The following GAPVD1 variants were observed in gnomAD, a reference collection of about 807,000 sequenced individuals.
The protein encoded by GAPVD1 is GTPase-activating protein and VPS9 domain-containing protein 1.
Under a neutral mutation model 155.5 loss-of-function variants are expected in GAPVD1, and 35 were observed. The observed-to-expected ratio is 0.23, with a 90% CI of 0.17 to 0.30. GAPVD1 has a LOEUF of 0.30. GAPVD1 is among the 10% of genes least tolerant of loss of function. The pLI, the probability that GAPVD1 is intolerant of heterozygous loss-of-function variation, is 1.00. For missense variants in GAPVD1, 1,429 were observed against 1,775.7 expected, an observed-to-expected ratio of 0.80 and a Z score of 3.51; for synonymous variants, 636 against 619.7, an observed-to-expected ratio of 1.03 and a Z score of -0.39.
At chr9:125,326,337 G>T in intron 11 of GAPVD1, 79 bp from the exon 12 acceptor site, 2 of 989,822 alleles carry the variant, frequency 2.0e-6, no homozygotes, top group Non-Finnish European at 3.1e-6. Flanking sequence ...GACCAACATG[G>T]AGATAAAATT....
intron 12 of GAPVD1, among the ~76,000 whole-genome samples, chr9:125,327,231 A>T (rs911382455): frequency 6.6e-6 from 1 of 151,996 alleles, no homozygotes; most frequent in Non-Finnish European, 1.5e-5. Flanking sequence ...GGTGCTATGT[A>T]TATACACTAA....
intron 5 of GAPVD1, among the ~76,000 whole-genome samples, chr9:125,303,268 C>T (rs1254733772): frequency 6.6e-6 from 1 of 151,868 alleles, no homozygotes; most frequent in Non-Finnish European, 1.5e-5. Context: ...ATCCGCCCAC[C>T]TCGGCTTCCC....
chr9:125,319,455 AGTGCAGTG>A (rs1843947846), intron 9 of GAPVD1, among the ~76,000 whole-genome samples: 1 of 150,890 alleles, frequency 6.6e-6, no homozygotes, highest in Non-Finnish European at 1.5e-5. Context: ...CCCAGGCTGG[AGTGCAGTG>A]GTGCAATCAC....
At chr9:125,304,156 T>G (rs1841419678) in intron 5 of GAPVD1, 1 of 152,176 alleles carries the variant, frequency 6.6e-6, no homozygotes, top group African/African-American at 2.4e-5. Context: ...ACTCCTGAGC[T>G]CAAGTGACCC....
rs895259389 is a variant in GAPVD1 at position 125,295,995 on chromosome 9, A to G, written c.-33+421A>G. 5.5e-4 allele frequency among the ~76,000 whole-genome samples: 84 copies of G among 152,244 alleles called. 1 individual carries two copies. Among genetic ancestry groups the G allele is most frequent in the Non-Finnish European group, 1.2e-4 (8 of 68,006 alleles). On this transcript the variant is annotated intron_variant, in intron 3 of 27. Coordinates refer to ENST00000297933, the MANE Select transcript of GAPVD1 (RefSeq NM_001282680.3). Reference sequence around the variant, plus strand: ...AGTTTGAGAATTTCTAAAGTATTTTACCCCATTTTTTAATTATGAAAAATT... The same window carrying G: ...AGTTTGAGAATTTCTAAAGTATTTTGCCCCATTTTTTAATTATGAAAAATT...
intron 2 of GAPVD1, among the ~76,000 whole-genome samples, chr9:125,279,038 C>A (rs1836283984): frequency 6.6e-6 from 1 of 151,410 alleles, no homozygotes; most frequent in Non-Finnish European, 1.5e-5. Context: ...ATGGTGAAAC[C>A]CCGTATCTAC....
At chr9:125,275,755 C>T (rs1390518079) in intron 2 of GAPVD1, among the ~76,000 whole-genome samples, 1 of 151,640 alleles carries the variant, frequency 6.6e-6, no homozygotes, top group South Asian at 2.1e-4. Flanking sequence ...GACTCTTTCT[C>T]AAAAGAAAAA....
intron 15 of GAPVD1, 122 bp from the exon 16 acceptor site, chr9:125,336,896 G>A (rs1001563856): frequency 1.0e-5 from 6 of 598,750 alleles, no homozygotes; most frequent in Non-Finnish European, 1.8e-5. Flanking sequence ...TTTCTGGTAT[G>A]CCTCTCAAGT....
At chr9:125,308,997 G>T (rs1842275102) in intron 8 of GAPVD1, 1 of 152,128 alleles carries the variant, frequency 6.6e-6, no homozygotes, top group Non-Finnish European at 1.5e-5. Flanking sequence ...AACAAGATGA[G>T]GAAAAAGTGT....
At chr9:125,300,397 G>A (rs1288469442) in intron 4 of GAPVD1, among the ~76,000 whole-genome samples, 1 of 151,468 alleles carries the variant, frequency 6.6e-6, no homozygotes, top group African/African-American at 2.4e-5. Flanking sequence ...GGTCAGACTG[G>A]TCTTGAACTT....
At position 125,302,788 on chromosome 9, in the gene GAPVD1, G is replaced by A; in HGVS notation, c.991G>A (p.Ala331Thr). 6.2e-7 allele frequency: 1 copy of A among 1,610,646 alleles called. No individual in the cohort carries two copies. The highest frequency in any genetic ancestry group is 8.5e-7 in the Non-Finnish European group (1 of 1,178,410). Reference protein sequence around the residue: ...NPEQYGIISDAPINEVARFNL... With the variant: ...NPEQYGIISDTPINEVARFNL... ...AGAACAATATGGAATAATTTCCGAT[G>A]CTCCTATTAATGAAGTAGCACGATT... Residue 331 changes from alanine (A) to threonine (T), a missense_variant, in exon 5 of 28, where the codon GCT becomes ACT. Coordinates refer to ENST00000297933, the MANE Select transcript of GAPVD1 (RefSeq NM_001282680.3).
At position 125,366,510 on chromosome 9, in the gene GAPVD1, C is replaced by T. The variant is rs1433720266; in HGVS notation, c.*3764C>T. 4 of 152,140 alleles carry T rather than the reference C, an allele frequency of 2.6e-5. No individual in the cohort carries two copies. The highest frequency in any genetic ancestry group is 9.7e-5 in the African/African-American group (4 of 41,436). The allele number at this position is 152,140 out of a possible 1,614,324, so 9.4% of individuals were successfully genotyped here. A position where few individuals can be genotyped will look rare whatever the true frequency, so the allele number is the denominator to read the frequency against. ...CCTAGATTTTTCTCTCCCATCTCTT[C>T]CTGCTTTGTTTCTTTAAAGAAAAGG... On this transcript the variant is annotated 3_prime_UTR_variant, in exon 28 of 28. Transcript: ENST00000297933.
chr9:125,334,026 C>G (rs572963646), intron 15 of GAPVD1, among the ~76,000 whole-genome samples: 3 of 152,222 alleles, frequency 2.0e-5, no homozygotes, highest in African/African-American at 7.2e-5. Flanking sequence ...AAAATAGCCA[C>G]CAATCAAGAA....
chr9:125,332,109 C>T (rs1416626813), intron 14 of GAPVD1, 49 bp downstream of exon 14: 8 of 1,518,948 alleles, frequency 5.3e-6, no homozygotes, highest in Non-Finnish European at 6.3e-6. Context: ...TGTTCACCCC[C>T]TACCCCCTCC....
chr9:125,295,329 T>C (rs1252126479), intron 2 of GAPVD1, 129 bp from the exon 3 acceptor site: 2 of 152,094 alleles, frequency 1.3e-5, no homozygotes, highest in Non-Finnish European at 2.9e-5. Flanking sequence ...TTATTTAAGC[T>C]ATTCCTGGTG....
intron 19 of GAPVD1, among the ~76,000 whole-genome samples, chr9:125,342,754 TTC>T (rs1847994392): frequency 6.6e-6 from 1 of 152,258 alleles, no homozygotes; most frequent in Non-Finnish European, 1.5e-5. Flanking sequence ...CACAGTGAAA[TTC>T]TGTTTTACCT....
In GAPVD1 at chr9:125,364,566, T is replaced by C. The variant is rs1441759333; in HGVS notation, c.*1820T>C. 1 of 152,218 alleles carries C rather than the reference T, an allele frequency of 6.6e-6. No homozygotes were observed. Among genetic ancestry groups the C allele is most frequent in the African/African-American group, 2.4e-5 (1 of 41,462 alleles). 9.4% of individuals were successfully genotyped at this position (152,218 alleles called of 1,614,324 possible). On this transcript the variant is annotated 3_prime_UTR_variant, in exon 28 of 28. Coordinates refer to ENST00000297933, the MANE Select transcript of GAPVD1 (RefSeq NM_001282680.3). ...CCAGAAACTAGATTTTCTTTATGCCTCCACCCCTTCTTATTCATTTACTTT... is the reference window on the plus strand; with the variant it reads ...CCAGAAACTAGATTTTCTTTATGCCCCCACCCCTTCTTATTCATTTACTTT...
chr9:125,287,392 G>C (rs929374058), intron 2 of GAPVD1, among the ~76,000 whole-genome samples: 3 of 152,136 alleles, frequency 2.0e-5, no homozygotes, highest in African/African-American at 7.2e-5. Context: ...GCAAAAATTA[G>C]CTGGGCATGG....
Position 125,337,432 on chromosome 9 carries a change from A to T in GAPVD1, c.2718A>T (p.Val906=), listed in dbSNP as rs758012120. The stretch of plus-strand genomic sequence containing the variant: ...TTCGAAGCAGGAGCTCTGATATAGT[A>T]TCTTCTGTCCGGAGACCCATGAGTG... ...RLVRSRSSDI[V]SSVRRPMSDP... is the part of the protein sequence containing the mutation. Residue 906 remains valine, a synonymous_variant, in exon 17 of 28, where the codon GTA becomes GTT. Transcript: ENST00000297933. 6.2e-7 allele frequency: 1 copy of T among 1,614,174 alleles called. No individual in the cohort carries two copies. The highest frequency in any genetic ancestry group is 1.7e-5 in the Admixed American group (1 of 60,024).
Sources: allele counts gnomAD v4.1 joint callset (sites outside exome capture counted in the v4.1 genomes callset), GRCh38; gene constraint gnomAD v4.1.1; transcripts MANE v1.5; gene names NCBI Gene and HGNC (gene_info 2026-07-23, HGNC 2026-07-21).